TRIM44: variants seen among roughly 807,000 people sequenced by gnomAD.
TRIM44 encodes the protein tripartite motif-containing protein 44.
TRIM44 carries 13 observed loss-of-function variants against 37.4 expected under a neutral mutation model. The ratio of observed to expected loss-of-function variants is 0.35; its 90% CI spans 0.23 to 0.55. The LOEUF (loss-of-function observed/expected upper bound fraction) is 0.55, where lower values mean the gene tolerates loss of function less well. Ranked by LOEUF, TRIM44 falls within the 20% of genes least tolerant of loss-of-function variation. The probability of loss-of-function intolerance (pLI) is 0.89; values close to 1 mark genes in which losing one functional copy is unlikely to be tolerated. For synonymous variants in TRIM44, 175 were observed against 157.2 expected (o/e 1.11, Z -0.85); for missense variants, 426 against 437.2 (o/e 0.97, Z 0.23).
At chr11:35,670,278 T>G (rs1590489568) in intron 1 of TRIM44, among the ~76,000 whole-genome samples, 3 of 152,340 alleles carry the variant, frequency 2.0e-5, no homozygotes, top group South Asian at 4.1e-4. Flanking sequence ...GTACTCTGCT[T>G]ATCCTAATGT....
At chr11:35,776,046 T>G (rs1852954691) in intron 4 of TRIM44, among the ~76,000 whole-genome samples, 1 of 151,032 alleles carries the variant, frequency 6.6e-6, no homozygotes, top group Non-Finnish European at 1.5e-5. Flanking sequence ...GAAGGACTGG[T>G]ACAGCTCCCC....
chr11:35,688,387 T>A (rs552539954), intron 2 of TRIM44, among the ~76,000 whole-genome samples: 38 of 152,300 alleles, frequency 2.5e-4, no homozygotes, highest in African/African-American at 7.2e-4. Flanking sequence ...ATCATTTTTT[T>A]AAAATTATAA....
At chr11:35,783,623 C>G (rs1853092928) in intron 4 of TRIM44, among the ~76,000 whole-genome samples, 2 of 152,140 alleles carry the variant, frequency 1.3e-5, no homozygotes, top group Non-Finnish European at 2.9e-5. Context: ...GCCCAGGCTC[C>G]CATTACTCCA....
intron 4 of TRIM44, among the ~76,000 whole-genome samples, chr11:35,737,096 T>G (rs1398277112): frequency 6.6e-6 from 1 of 152,142 alleles, no homozygotes; most frequent in Admixed American, 6.6e-5. Flanking sequence ...AAGGGGAGGC[T>G]TACCAGAAAA....
At position 35,663,297 on chromosome 11, in the gene TRIM44, C is replaced by T. The variant is rs761331178; in HGVS notation, c.186C>T (p.His62=). ...FLSHHLAEYV[H]GSQAWTPPAD... is the part of the protein sequence containing the mutation. ...GTCACCATCTGGCCGAATACGTCCA[C>T]GGCTCCCAGGCCTGGACCCCGCCAG... is the stretch of plus-strand genomic sequence containing the variant. Residue 62 remains histidine, a synonymous_variant, in exon 1 of 5, where the codon CAC becomes CAT. Transcript: ENST00000299413. The T allele has an allele frequency of 3.1e-6, 5 of 1,614,076 alleles. No homozygotes were observed. The highest frequency in any genetic ancestry group is 1.7e-5 in the Admixed American group (1 of 60,024).
chr11:35,749,616 G>A (rs781016094), intron 4 of TRIM44, among the ~76,000 whole-genome samples: 4 of 152,138 alleles, frequency 2.6e-5, no homozygotes, highest in Non-Finnish European at 5.9e-5. Flanking sequence ...ACCGCGAGGC[G>A]GGATTGCAGT....
At chr11:35,675,495 G>A (rs973339769) in intron 1 of TRIM44, among the ~76,000 whole-genome samples, 1 of 152,124 alleles carries the variant, frequency 6.6e-6, no homozygotes, top group African/African-American at 2.4e-5. Flanking sequence ...ACTGCTGGAG[G>A]TCCAAGTTCC....
In TRIM44 at chr11:35,807,582, G is replaced by A. The variant is rs1458714122; in HGVS notation, c.*1197G>A. On this transcript the variant is annotated 3_prime_UTR_variant, in exon 5 of 5. Coordinates refer to ENST00000299413, the MANE Select transcript of TRIM44 (RefSeq NM_017583.6). ...TCCCGAGTAAGCAGGGATGTACTAG[G>A]GGAATGTAAAACTGCAAACTTAAAA... 6.6e-6 allele frequency: 1 copy of A among 152,070 alleles called. No homozygotes were observed. The highest frequency in any genetic ancestry group is 1.5e-5 in the Non-Finnish European group (1 of 68,006). 9.4% of individuals were successfully genotyped at this position (152,070 alleles called of 1,614,324 possible).
intron 1 of TRIM44, among the ~76,000 whole-genome samples, chr11:35,665,518 C>G (rs370557604): frequency 6.6e-6 from 1 of 150,670 alleles, no homozygotes; most frequent in East Asian, 1.9e-4. Flanking sequence ...TGTGAAGTAC[C>G]TAGTCAGTTC....
At chr11:35,700,756 A>G (rs1851777508) in intron 2 of TRIM44, among the ~76,000 whole-genome samples, 1 of 152,228 alleles carries the variant, frequency 6.6e-6, no homozygotes, top group African/African-American at 2.4e-5. Flanking sequence ...GGCTAATTCC[A>G]TATGTCCCCG....
chr11:35,715,431 G>GT (rs1564972608), intron 2 of TRIM44, among the ~76,000 whole-genome samples: 93 of 143,430 alleles, frequency 6.5e-4, no homozygotes, highest in Middle Eastern at 3.5e-3. Flanking sequence ...TGTGTGTGTG[G>GT]GTGTGGGTGT....
Position 35,794,114 on chromosome 11 carries a change from C to T in TRIM44, c.1008-12244C>T, listed in dbSNP as rs146510722. Among the ~76,000 whole-genome samples the T allele has an allele frequency of 3.3e-4, 50 of 152,292 alleles. No individual in the cohort carries two copies. In the South Asian group the frequency reaches 1.0e-2, roughly 30 times the overall value. The stretch of plus-strand genomic sequence containing the variant: ...CTTAGTTGTGTGCTTTTTCCATGAT[C>T]AGTCTCAACCACCACAATAACTAAC... On this transcript the variant is annotated intron_variant, in intron 4 of 4. Coordinates refer to ENST00000299413, the MANE Select transcript of TRIM44 (RefSeq NM_017583.6).
rs769733927 is a variant in TRIM44 at position 35,808,691 on chromosome 11, A to G, written c.*2306A>G. 3.3e-5 allele frequency: 5 copies of G among 152,354 alleles called. No individual in the cohort carries two copies. The highest frequency in any genetic ancestry group is 4.1e-4 in the South Asian group (2 of 4,834). The allele number at this position is 152,354 out of a possible 1,614,324, so 9.4% of individuals were successfully genotyped here. On this transcript the variant is annotated 3_prime_UTR_variant, in exon 5 of 5. Coordinates refer to ENST00000299413, the MANE Select transcript of TRIM44 (RefSeq NM_017583.6). ...TTAGAAAGCGTTTCAGATTTGCTTT[A>G]TAGACTCCTGCTGTCTTCAGTACCT... is the stretch of plus-strand genomic sequence containing the variant.
Position 35,809,349 on chromosome 11 carries a change from C to G in TRIM44, c.*2964C>G, listed in dbSNP as rs1853499506. On this transcript the variant is annotated 3_prime_UTR_variant, in exon 5 of 5. Transcript: ENST00000299413. ...CTTTGTACCACACACCATGGTCCACCTAAAAACAGAAGGATAAAAAGACTT... is the reference window on the plus strand; with the variant it reads ...CTTTGTACCACACACCATGGTCCACGTAAAAACAGAAGGATAAAAAGACTT... 2 of 152,156 alleles carry G rather than the reference C, an allele frequency of 1.3e-5. No individual in the cohort carries two copies. The highest frequency in any genetic ancestry group is 4.1e-4 in the South Asian group (2 of 4,832). 9.4% of individuals were successfully genotyped at this position (152,156 alleles called of 1,614,324 possible).
intron 1 of TRIM44, among the ~76,000 whole-genome samples, chr11:35,674,457 C>G (rs928926680): frequency 6.6e-6 from 1 of 152,122 alleles, no homozygotes; most frequent in African/African-American, 2.4e-5. Context: ...CGGCAAATAA[C>G]TCTATGGGCA....
chr11:35,672,213 T>C (rs1851401330), intron 1 of TRIM44, among the ~76,000 whole-genome samples: 1 of 152,208 alleles, frequency 6.6e-6, no homozygotes, highest in Non-Finnish European at 1.5e-5. Flanking sequence ...TATACTGTGA[T>C]CTCCTTTATA....
intron 2 of TRIM44, among the ~76,000 whole-genome samples, chr11:35,720,712 C>G (rs1056269458): frequency 2.0e-5 from 3 of 151,952 alleles, no homozygotes; most frequent in Non-Finnish European, 4.4e-5. Flanking sequence ...GAAGCTCCCC[C>G]CCACCCCATT....
intron 2 of TRIM44, among the ~76,000 whole-genome samples, chr11:35,695,058 C>G (rs931956952): frequency 1.3e-5 from 2 of 152,088 alleles, no homozygotes; most frequent in African/African-American, 4.8e-5. Flanking sequence ...CATCAGGTGA[C>G]CAGATGTACC....
chr11:35,799,066 T>C (rs985233579), intron 4 of TRIM44, among the ~76,000 whole-genome samples: 1 of 152,220 alleles, frequency 6.6e-6, no homozygotes, highest in African/African-American at 2.4e-5. Context: ...AGTAAAGGAC[T>C]CAGTCCTAAA....
Sources: allele counts gnomAD v4.1 joint callset (sites outside exome capture counted in the v4.1 genomes callset), GRCh38; gene constraint gnomAD v4.1.1; transcripts MANE v1.5; gene names NCBI Gene and HGNC (gene_info 2026-07-23, HGNC 2026-07-21).